MTMR12: variants seen among roughly 807,000 people sequenced by gnomAD.
MTMR12 encodes myotubularin related protein 12.
In MTMR12, 33 loss-of-function variants were observed where a neutral mutation model predicts 96.7. The ratio of observed to expected loss-of-function variants is 0.34; its 90% CI spans 0.26 to 0.46. MTMR12 has a LOEUF of 0.46. Ranked by LOEUF, MTMR12 falls within the 20% of genes least tolerant of loss-of-function variation. The pLI is 1.00. For missense variants in MTMR12, 721 were observed against 896.1 expected, an observed-to-expected ratio of 0.80 and a Z score of 2.49; for synonymous variants, 298 against 327.2, an observed-to-expected ratio of 0.91 and a Z score of 0.96.
intron 14 of MTMR12, chr5:32,234,722 C>T: frequency 2.9e-6 from 1 of 347,870 alleles, no homozygotes; most frequent in South Asian, 5.8e-5. Context: ...CTAAGAAGCT[C>T]TTAGACCAAT....
chr5:32,234,447 G>C (rs943446826), intron 14 of MTMR12, among the ~76,000 whole-genome samples: 2 of 152,194 alleles, frequency 1.3e-5, no homozygotes, highest in African/African-American at 4.8e-5. Flanking sequence ...GGAAGGAAAA[G>C]GCTAGCTTCC....
At chr5:32,247,974 A>G in intron 10 of MTMR12, 28 bp downstream of exon 10, 1 of 1,606,438 alleles carries the variant, frequency 6.2e-7, no homozygotes, top group South Asian at 1.1e-5. Context: ...CATATAACAC[A>G]AAAGTTTTTG....
intron 1 of MTMR12, among the ~76,000 whole-genome samples, chr5:32,307,801 T>C (rs1328602465): frequency 6.6e-6 from 1 of 152,238 alleles, no homozygotes; most frequent in African/African-American, 2.4e-5. Flanking sequence ...CTTTATCCAG[T>C]TAAGCACTTT....
chr5:32,266,703 C>G (rs1354375042), intron 6 of MTMR12, among the ~76,000 whole-genome samples: 1 of 149,328 alleles, frequency 6.7e-6, no homozygotes. Flanking sequence ...AAAAAACAAC[C>G]AACAACAACA....
At chr5:32,304,271 G>C (rs1751269742) in intron 1 of MTMR12, among the ~76,000 whole-genome samples, 2 of 151,872 alleles carry the variant, frequency 1.3e-5, no homozygotes, top group South Asian at 4.2e-4. Flanking sequence ...AGTGAGCCAA[G>C]ATCGCGCCAT....
chr5:32,250,900 A>G (rs114325392), intron 8 of MTMR12, among the ~76,000 whole-genome samples: 2,194 of 152,244 alleles, frequency 0.014, 62 homozygotes, highest in African/African-American at 0.049. Flanking sequence ...AATTTAGCAA[A>G]AAGTCTTCTG....
chr5:32,248,888 CA>C lies in MTMR12; in HGVS notation c.790-11del. 2 of 1,606,146 alleles carry C rather than the reference CA, an allele frequency of 1.2e-6. No homozygotes were observed. Among genetic ancestry groups the C allele is most frequent in the Non-Finnish European group, 1.7e-6 (2 of 1,172,780 alleles). Reference sequence around the variant, plus strand: ...AGGACCAACACCATATCTGTAGAAACAAATAAAGCTTTACCAGATACAATAA... The same window carrying C: ...AGGACCAACACCATATCTGTAGAAACAATAAAGCTTTACCAGATACAATAA... On this transcript the variant is annotated splice_polypyrimidine_tract_variant and intron_variant, in intron 8 of 15. Transcript: ENST00000382142.
intron 3 of MTMR12, 150 bp downstream of exon 3, chr5:32,273,830 T>A (rs1749941452): frequency 8.4e-7 from 1 of 1,195,520 alleles, no homozygotes; most frequent in Non-Finnish European, 1.2e-6. Flanking sequence ...CCCCCAAACT[T>A]CACCAAATGC....
At chr5:32,279,991 A>T (rs1750230544) in intron 1 of MTMR12, among the ~76,000 whole-genome samples, 1 of 152,244 alleles carries the variant, frequency 6.6e-6, no homozygotes, top group African/African-American at 2.4e-5. Context: ...GGGGACATAC[A>T]GGACAAAAGC....
At chr5:32,272,706 T>C (rs891481704) in intron 3 of MTMR12, among the ~76,000 whole-genome samples, 1 of 152,110 alleles carries the variant, frequency 6.6e-6, no homozygotes, top group African/African-American at 2.4e-5. Context: ...GGGCCCCTCC[T>C]AGGCAAACCC....
At position 32,270,956 on chromosome 5, in the gene MTMR12, C is replaced by A; in HGVS notation, c.359-9G>T. On this transcript the variant is annotated splice_polypyrimidine_tract_variant and intron_variant, in intron 4 of 15. Coordinates refer to ENST00000382142, the MANE Select transcript of MTMR12 (RefSeq NM_001040446.3). Reference sequence around the variant, plus strand: ...CTTTTTCTCATCAAACACTACAGATCAGCAATGAAATCAGGAAGGGAAATT... The same window carrying A: ...CTTTTTCTCATCAAACACTACAGATAAGCAATGAAATCAGGAAGGGAAATT... 1 of 1,603,788 alleles carries A rather than the reference C, an allele frequency of 6.2e-7. No homozygotes were observed. Among genetic ancestry groups the A allele is most frequent in the Non-Finnish European group, 8.5e-7 (1 of 1,176,588 alleles).
At chr5:32,284,837 CA>C (rs1750463456) in intron 1 of MTMR12, among the ~76,000 whole-genome samples, 1 of 152,168 alleles carries the variant, frequency 6.6e-6, no homozygotes, top group African/African-American at 2.4e-5. Flanking sequence ...GTTAGGCTGA[CA>C]GACTTTTCTT....
intron 5 of MTMR12, among the ~76,000 whole-genome samples, chr5:32,270,352 T>G (rs1177810311): frequency 6.6e-6 from 1 of 152,240 alleles, no homozygotes; most frequent in African/African-American, 2.4e-5. Context: ...GTCTGATTAT[T>G]TGGCTTTGCT....
chr5:32,249,351 G>A (rs1010491556), intron 8 of MTMR12, among the ~76,000 whole-genome samples: 1 of 152,150 alleles, frequency 6.6e-6, no homozygotes, highest in Non-Finnish European at 1.5e-5. Flanking sequence ...AGTAGCTGCA[G>A]TGTGACTCTA....
chr5:32,289,290 T>C (rs1465869868), intron 1 of MTMR12, among the ~76,000 whole-genome samples: 2 of 152,188 alleles, frequency 1.3e-5, no homozygotes, highest in East Asian at 3.9e-4. Context: ...CCAGGTCTAA[T>C]GCACAAAAGA....
At position 32,277,955 on chromosome 5, in the gene MTMR12, CA is replaced by C. The variant is rs1003880985; in HGVS notation, c.82-1214del. ...GTCCATTCAAAGTTACCTAAAACCA[CA>C]AGACAGTGCCAAGGGATACAGTCAT... On this transcript the variant is annotated intron_variant, in intron 1 of 15. Transcript: ENST00000382142. 3.9e-4 allele frequency among the ~76,000 whole-genome samples: 59 copies of C among 152,298 alleles called. 1 individual carries two copies. Among genetic ancestry groups the C allele is most frequent in the African/African-American group, 1.4e-3 (59 of 41,554 alleles).
At chr5:32,309,431 C>G (rs919101169) in intron 1 of MTMR12, among the ~76,000 whole-genome samples, 1 of 152,132 alleles carries the variant, frequency 6.6e-6, no homozygotes, top group Non-Finnish European at 1.5e-5. Context: ...GAAGAGATAA[C>G]CCACTGAATG....
chr5:32,284,574 T>TG (rs1303158271), intron 1 of MTMR12, among the ~76,000 whole-genome samples: 1 of 152,190 alleles, frequency 6.6e-6, no homozygotes, highest in Non-Finnish European at 1.5e-5. Flanking sequence ...CCCTATTCTT[T>TG]GGGGTGGTGG....
Position 32,229,738 on chromosome 5 carries a change from A to T in MTMR12, c.*40T>A, listed in dbSNP as rs1454082305. On this transcript the variant is annotated 3_prime_UTR_variant, in exon 16 of 16. Transcript: ENST00000382142. ...ACAAATCCAGGGATCAGCTGTCCCAATCTCCCACATTCCTCTTTCACAATC... is the reference window on the plus strand; with the variant it reads ...ACAAATCCAGGGATCAGCTGTCCCATTCTCCCACATTCCTCTTTCACAATC... 6.7e-7 allele frequency: 1 copy of T among 1,483,852 alleles called. No homozygotes were observed. The highest frequency in any genetic ancestry group is 9.0e-7 in the Non-Finnish European group (1 of 1,115,034). 91.9% of individuals were successfully genotyped at this position (1,483,852 alleles called of 1,614,324 possible). A position where few individuals can be genotyped will look rare whatever the true frequency, so the allele number is the denominator to read the frequency against.
Sources: gnomAD v4.1 joint callset for allele counts (sites outside exome capture counted in the v4.1 genomes callset) on GRCh38, gnomAD v4.1.1 for gene constraint, MANE v1.5 for transcripts, NCBI Gene and HGNC (gene_info 2026-07-23, HGNC 2026-07-21) for gene names.